The following ARFIP1 variants were observed in gnomAD, a reference collection of about 807,000 sequenced individuals.
ARFIP1 encodes ARF interacting protein 1.
Under a neutral mutation model 42.5 loss-of-function variants are expected in ARFIP1, and 24 were observed. The ratio of observed to expected loss-of-function variants is 0.57; its 90% CI spans 0.41 to 0.80. The LOEUF is 0.80. Ranked by LOEUF, ARFIP1 falls within the 30% of genes least tolerant of loss-of-function variation. The pLI is 0.00. For missense variants in ARFIP1, 354 were observed against 434.0 expected, an observed-to-expected ratio of 0.82 and a Z score of 1.64; for synonymous variants, 141 against 153.7, an observed-to-expected ratio of 0.92 and a Z score of 0.61.
intron 1 of ARFIP1, among the ~76,000 whole-genome samples, chr4:152,817,410 T>A (rs888692380): frequency 7.9e-5 from 12 of 152,174 alleles, no homozygotes; most frequent in African/African-American, 2.9e-4. Flanking sequence ...GATATCCACA[T>A]GCAAAAGAAT....
intron 8 of ARFIP1, among the ~76,000 whole-genome samples, chr4:152,895,476 T>C (rs979276649): frequency 1.3e-5 from 2 of 150,030 alleles, no homozygotes; most frequent in Admixed American, 1.3e-4. Context: ...AGTCTTGAAC[T>C]CCTGGCCATA....
chr4:152,804,115 C>CATGTATTATATATAATATAAG (rs1728682208), intron 1 of ARFIP1, among the ~76,000 whole-genome samples: 1 of 44,698 alleles, frequency 2.2e-5, no homozygotes, highest in African/African-American at 6.9e-5. Flanking sequence ...TATAATATAA[C>CATGTATTATATATAATATAAG]ATGTATTATA....
chr4:152,870,523 T>A (rs973813610), intron 3 of ARFIP1, among the ~76,000 whole-genome samples: 5 of 152,238 alleles, frequency 3.3e-5, no homozygotes, highest in South Asian at 2.1e-4. Flanking sequence ...ATTATATAGT[T>A]ACATATTCTG....
chr4:152,792,358 T>A (rs985370234), intron 1 of ARFIP1, among the ~76,000 whole-genome samples: 1 of 152,220 alleles, frequency 6.6e-6, no homozygotes, highest in Admixed American at 6.5e-5. Context: ...TGAAGACTTA[T>A]GTGTGTTGTT....
chr4:152,850,479 C>T (rs1732890467), intron 2 of ARFIP1, among the ~76,000 whole-genome samples: 1 of 151,358 alleles, frequency 6.6e-6, no homozygotes, highest in Non-Finnish European at 1.5e-5. Context: ...GGGACGAGGG[C>T]AGTGAGGAAG....
intron 8 of ARFIP1, among the ~76,000 whole-genome samples, chr4:152,904,392 A>G (rs990610707): frequency 2.0e-5 from 3 of 151,836 alleles, no homozygotes; most frequent in African/African-American, 7.3e-5. Context: ...AGGTTTCACC[A>G]TGTTGGCCAG....
chr4:152,882,396 A>G (rs1279302176), intron 6 of ARFIP1, among the ~76,000 whole-genome samples: 1 of 152,168 alleles, frequency 6.6e-6, no homozygotes, highest in Non-Finnish European at 1.5e-5. Context: ...AATCTGCTCT[A>G]TTTTTCTTTC....
At chr4:152,811,075 A>G (rs1249228271) in intron 1 of ARFIP1, among the ~76,000 whole-genome samples, 1 of 143,744 alleles carries the variant, frequency 7.0e-6, no homozygotes, top group Non-Finnish European at 1.5e-5. Context: ...CAACAGCCAC[A>G]TGCTAAGGTT....
chr4:152,788,895 A>G (rs1730979975), intron 1 of ARFIP1, among the ~76,000 whole-genome samples: 1 of 141,372 alleles, frequency 7.1e-6, no homozygotes, highest in Admixed American at 7.4e-5. Context: ...ACAGTTTCTC[A>G]GATTTCCTTG....
At chr4:152,788,483 C>T (rs923401239) in intron 1 of ARFIP1, among the ~76,000 whole-genome samples, 2 of 152,096 alleles carry the variant, frequency 1.3e-5, no homozygotes, top group African/African-American at 4.8e-5. Context: ...AGTTCAAGAC[C>T]AGCCTGGGCA....
intron 3 of ARFIP1, 25 bp downstream of exon 3, chr4:152,863,739 A>T: frequency 6.8e-7 from 1 of 1,477,442 alleles, no homozygotes; most frequent in South Asian, 1.2e-5. Context: ...ATTTGTAAAG[A>T]TGGCTGGGAT....
intron 2 of ARFIP1, among the ~76,000 whole-genome samples, chr4:152,855,068 A>G (rs567160753): frequency 1.3e-5 from 2 of 152,278 alleles, no homozygotes; most frequent in East Asian, 3.9e-4. Flanking sequence ...GGTCCTGAGT[A>G]GTGTGCATGG....
intron 1 of ARFIP1, chr4:152,796,646 T>A: frequency 1.1e-6 from 1 of 885,840 alleles, no homozygotes; most frequent in South Asian, 1.4e-5. Context: ...TGCATCTTGA[T>A]GGTCTTTTTT....
chr4:152,853,132 GT>G (rs1247688216), intron 2 of ARFIP1, among the ~76,000 whole-genome samples: 1 of 152,116 alleles, frequency 6.6e-6, no homozygotes, highest in African/African-American at 2.4e-5. Context: ...TTGTTAATTG[GT>G]TTTTGGTTAT....
At position 152,804,319 on chromosome 4, in the gene ARFIP1, CAT is replaced by C. The variant is rs1265844548; in HGVS notation, c.-10+24094_-10+24095del. 2.8e-5 allele frequency among the ~76,000 whole-genome samples: 2 copies of C among 71,130 alleles called. 1 individual carries two copies. Among genetic ancestry groups the C allele is most frequent in the African/African-American group, 1.2e-4 (2 of 16,638 alleles). 46.7% of individuals were successfully genotyped at this position (71,130 alleles called of 152,430 possible). ...TATATATTATATATATATAACATAA[CAT>C]GTATTATATATATTTTATATATATA... On this transcript the variant is annotated intron_variant, in intron 1 of 8. Transcript: ENST00000353617.
chr4:152,882,943 T>C, intron 7 of ARFIP1, 63 bp downstream of exon 7: 3 of 1,528,914 alleles, frequency 2.0e-6, no homozygotes, highest in Non-Finnish European at 2.6e-6. Flanking sequence ...AGTTAATTTT[T>C]TGGTTACAAA....
intron 1 of ARFIP1, among the ~76,000 whole-genome samples, chr4:152,828,027 T>C (rs1251403179): frequency 6.6e-6 from 1 of 152,228 alleles, no homozygotes; most frequent in African/African-American, 2.4e-5. Context: ...TTTTTGTGAC[T>C]TAATAGCTTA....
chr4:152,845,258 T>A (rs2149859915), intron 2 of ARFIP1, among the ~76,000 whole-genome samples: 1 of 152,238 alleles, frequency 6.6e-6, no homozygotes. Flanking sequence ...ATAAAAATCC[T>A]ACAAGAAAAC....
intron 8 of ARFIP1, among the ~76,000 whole-genome samples, chr4:152,889,868 T>C (rs1736684367): frequency 7.7e-6 from 1 of 129,128 alleles, no homozygotes; most frequent in Non-Finnish European, 1.6e-5. Flanking sequence ...ATATATACTA[T>C]ATATATACTA....
Sources: gnomAD v4.1 joint callset for allele counts (sites outside exome capture counted in the v4.1 genomes callset) on GRCh38, gnomAD v4.1.1 for gene constraint, MANE v1.5 for transcripts, NCBI Gene and HGNC (gene_info 2026-07-23, HGNC 2026-07-21) for gene names.